Variants in ITGA1 observed in about 807,000 individuals in gnomAD.
ITGA1 encodes integrin subunit alpha 1.
In ITGA1, 85 loss-of-function variants were observed where a neutral mutation model predicts 145.9. The ratio of observed to expected loss-of-function variants is 0.58; its 90% CI spans 0.49 to 0.70. The LOEUF (loss-of-function observed/expected upper bound fraction) is 0.70. Ranked by LOEUF, ITGA1 falls within the 30% of genes least tolerant of loss-of-function variation. The probability of loss-of-function intolerance (pLI) is 0.00; values close to 1 mark genes in which losing one functional copy is unlikely to be tolerated. For synonymous variants in ITGA1, 520 were observed against 495.3 expected, an observed-to-expected ratio of 1.05 and a Z score of -0.66; for missense variants, 1,351 against 1,418.7, an observed-to-expected ratio of 0.95 and a Z score of 0.77.
intron 16 of ITGA1, 67 bp downstream of exon 16, chr5:52,918,965 GTCCAGTAGGATATTGTATTT>G: frequency 7.7e-7 from 1 of 1,298,804 alleles, no homozygotes; most frequent in South Asian, 1.7e-5. Flanking sequence ...GCATGATGAA[GTCCAGTAGGATATTGTATTT>G]TCCCCACATG....
At chr5:52,808,259 T>C (rs1393987045) in intron 1 of ITGA1, among the ~76,000 whole-genome samples, 1 of 152,240 alleles carries the variant, frequency 6.6e-6, no homozygotes, top group Non-Finnish European at 1.5e-5. Flanking sequence ...AGTGGTACTT[T>C]AAAAAATCTT....
At chr5:52,930,478 G>A (rs541967651) in intron 21 of ITGA1, among the ~76,000 whole-genome samples, 3 of 152,218 alleles carry the variant, frequency 2.0e-5, no homozygotes, top group Admixed American at 2.0e-4. Context: ...TCCTCATAGG[G>A]TAAGTATTAC....
chr5:52,788,458 T>C, intron 1 of ITGA1, 44 bp downstream of exon 1: 1 of 1,430,802 alleles, frequency 7.0e-7, no homozygotes, highest in South Asian at 1.4e-5. Flanking sequence ...CTCGCGGGCT[T>C]GGGGCTTGGA....
Position 52,951,733 on chromosome 5 carries a change from T to C in ITGA1, c.3496-674T>C, listed in dbSNP as rs553570252. On this transcript the variant is annotated intron_variant, in intron 28 of 28. Coordinates refer to ENST00000282588, the MANE Select transcript of ITGA1 (RefSeq NM_181501.2). ...ATGGTCATCGATCATTTGATGGAAA[T>C]TTCTCTGCCACATCCCTGAAAAAAA... 2.6e-5 allele frequency among the ~76,000 whole-genome samples: 4 copies of C among 152,262 alleles called. No homozygotes were observed. The South Asian group carries it at 8.3e-4, about 32-fold the overall frequency.
intron 6 of ITGA1, among the ~76,000 whole-genome samples, chr5:52,872,596 G>A: frequency 5.4e-5 from 2 of 37,172 alleles, no homozygotes; most frequent in Admixed American, 3.8e-4. Context: ...TTTTTTTTGT[G>A]GGTGGAGGAG....
chr5:52,843,699 G>A (rs1230454623), intron 1 of ITGA1, among the ~76,000 whole-genome samples: 1 of 152,164 alleles, frequency 6.6e-6, no homozygotes, highest in South Asian at 2.1e-4. Flanking sequence ...TTGTGAGCTG[G>A]GTTGTTATTT....
At chr5:52,936,450 A>G (rs1750965906) in intron 23 of ITGA1, among the ~76,000 whole-genome samples, 1 of 152,176 alleles carries the variant, frequency 6.6e-6, no homozygotes, top group Non-Finnish European at 1.5e-5. Context: ...TTCAGATCTG[A>G]GGAGCTCTCA....
intron 1 of ITGA1, chr5:52,801,421 T>G (rs1748481047): frequency 1.2e-6 from 2 of 1,612,270 alleles, no homozygotes; most frequent in Non-Finnish European, 1.7e-6. Context: ...ACATGCCTCC[T>G]CCGGACACAA....
chr5:52,857,413 G>C (rs1749533762), intron 2 of ITGA1, among the ~76,000 whole-genome samples: 1 of 151,814 alleles, frequency 6.6e-6, no homozygotes, highest in Non-Finnish European at 1.5e-5. Flanking sequence ...GCCATATGCA[G>C]ATTGCCTCCA....
intron 6 of ITGA1, among the ~76,000 whole-genome samples, chr5:52,870,594 G>A (rs1008994281): frequency 9.8e-5 from 15 of 152,336 alleles, no homozygotes; most frequent in Admixed American, 6.5e-4. Context: ...AATTGTCAGA[G>A]CATGACAGCA....
intron 7 of ITGA1, among the ~76,000 whole-genome samples, chr5:52,886,657 G>A (rs990303649): frequency 1.3e-5 from 2 of 152,206 alleles, no homozygotes; most frequent in Non-Finnish European, 2.9e-5. Context: ...AATAAAGGGG[G>A]AGGGGAGAAG....
intron 1 of ITGA1, among the ~76,000 whole-genome samples, chr5:52,836,575 C>T (rs1261718928): frequency 6.6e-6 from 1 of 152,120 alleles, no homozygotes. Flanking sequence ...GGCCAGATTT[C>T]CGCCACTTGG....
chr5:52,871,993 A>G (rs1034606411), intron 6 of ITGA1, among the ~76,000 whole-genome samples: 2 of 152,240 alleles, frequency 1.3e-5, no homozygotes, highest in African/African-American at 4.8e-5. Flanking sequence ...TGAAGATAAT[A>G]TAAATATGTC....
Position 52,864,815 on chromosome 5 carries a change from A to G in ITGA1, c.348A>G (p.Gly116=), listed in dbSNP as rs563465389. Residue 116 remains glycine, a synonymous_variant, in exon 4 of 29, where the codon GGA becomes GGG. Transcript: ENST00000282588. The part of the protein sequence containing the change: ...VTEVKENMTF[G]STLVTNPNGG... ...AAGTAAAGGAGAACATGACATTTGG[A>G]TCAACTTTAGTCACCAACCCAAATG... 1 of 1,612,984 alleles carries G rather than the reference A, an allele frequency of 6.2e-7. No individual in the cohort carries two copies. Among genetic ancestry groups the G allele is most frequent in the Admixed American group, 1.7e-5 (1 of 59,996 alleles).
intron 14 of ITGA1, among the ~76,000 whole-genome samples, chr5:52,912,475 C>G (rs1423369036): frequency 7.3e-6 from 1 of 136,262 alleles, no homozygotes; most frequent in Non-Finnish European, 1.6e-5. Context: ...TATAGTGTAT[C>G]CAGTATATGT....
intron 1 of ITGA1, among the ~76,000 whole-genome samples, chr5:52,829,131 G>T (rs988490966): frequency 2.0e-5 from 3 of 152,116 alleles, no homozygotes; most frequent in African/African-American, 7.2e-5. Flanking sequence ...CGGGGATTAG[G>T]ACTTAGACAA....
chr5:52,834,519 A>G (rs1354705047), intron 1 of ITGA1, among the ~76,000 whole-genome samples: 2 of 150,298 alleles, frequency 1.3e-5, no homozygotes, highest in East Asian at 3.9e-4. Context: ...GAGAGAAAGA[A>G]GAAAGGGAGA....
At chr5:52,833,594 C>T (rs1499274) in intron 1 of ITGA1, among the ~76,000 whole-genome samples, 4 of 152,092 alleles carry the variant, frequency 2.6e-5, no homozygotes, top group African/African-American at 9.7e-5. Flanking sequence ...TTTCTGAAAG[C>T]TTATTCAGTG....
chr5:52,800,672 A>T lies in ITGA1; in HGVS notation c.61+12258A>T, dbSNP rs773698128. ...GGGACCAACATCCAAGAGAATGAGT[A>T]TGTCAAGATGGGGGCTTACCACACC... On this transcript the variant is annotated intron_variant, in intron 1 of 28. Coordinates refer to ENST00000282588, the MANE Select transcript of ITGA1 (RefSeq NM_181501.2). The T allele has an allele frequency of 2.5e-6, 4 of 1,614,068 alleles. No individual in the cohort carries two copies. The East Asian group carries it at 6.7e-5, about 27-fold the overall frequency.
Sources: gnomAD v4.1 joint callset for allele counts (sites outside exome capture counted in the v4.1 genomes callset) on GRCh38, gnomAD v4.1.1 for gene constraint, MANE v1.5 for transcripts, NCBI Gene and HGNC (gene_info 2026-07-23, HGNC 2026-07-21) for gene names.